OR1A1: variants seen among roughly 807,000 people sequenced by gnomAD.
The protein encoded by OR1A1 is olfactory receptor family 1 subfamily A member 1.
For synonymous variants in OR1A1, 145 were observed against 147.8 expected, an observed-to-expected ratio of 0.98 and a Z score of 0.13; for missense variants, 391 against 379.9, an observed-to-expected ratio of 1.03 and a Z score of -0.24.
intron 2 of OR1A1, 100 bp from the exon 3 acceptor site, chr17:3,212,367 T>C (rs983382457): frequency 1.3e-5 from 2 of 152,298 alleles, no homozygotes; most frequent in East Asian, 3.9e-4. Flanking sequence ...TTTCTCACAC[T>C]AAGGTATTCC....
At position 3,207,684 on chromosome 17, in the gene OR1A1, C is replaced by A. The variant is rs549424005; in HGVS notation, c.-873C>A. On this transcript the variant is annotated 5_prime_UTR_variant, in exon 1 of 4. Coordinates refer to ENST00000641732, the MANE Select transcript of OR1A1 (RefSeq NM_014565.3). Reference sequence around the variant, plus strand: ...GGTAGCTCCTCTTGTCCCTTCGGCTCCCCTGTTGGGAAACTGGGGACTCCT... The same window carrying A: ...GGTAGCTCCTCTTGTCCCTTCGGCTACCCTGTTGGGAAACTGGGGACTCCT... 2.0e-5 allele frequency: 3 copies of A among 152,452 alleles called. No individual in the cohort carries two copies. The highest frequency in any genetic ancestry group is 4.4e-5 in the Non-Finnish European group (3 of 68,110). 9.4% of individuals were successfully genotyped at this position (152,452 alleles called of 1,614,324 possible).
At chr17:3,212,744 C>T (rs2048448831) in intron 3 of OR1A1, 145 bp downstream of exon 3, 1 of 152,068 alleles carries the variant, frequency 6.6e-6, no homozygotes, top group Admixed American at 6.6e-5. Flanking sequence ...GCCTCACAGC[C>T]AAGGAAATCA....
Position 3,212,473 on chromosome 17 carries a change from G to T in OR1A1, c.-132G>T, listed in dbSNP as rs576805106. 6.6e-5 allele frequency: 10 copies of T among 151,894 alleles called. No individual in the cohort carries two copies. Among genetic ancestry groups the T allele is most frequent in the Non-Finnish European group, 1.5e-4 (10 of 68,008 alleles). 9.4% of individuals were successfully genotyped at this position (151,894 alleles called of 1,614,324 possible). On this transcript the variant is annotated 5_prime_UTR_variant, in exon 3 of 4. Coordinates refer to ENST00000641732, the MANE Select transcript of OR1A1 (RefSeq NM_014565.3). ...CTTCAATGTATTTTAACAGCAATGGGAACTGTCAACATCAACTTAGTCTGC... is the reference window on the plus strand; with the variant it reads ...CTTCAATGTATTTTAACAGCAATGGTAACTGTCAACATCAACTTAGTCTGC...
At chr17:3,215,484 ATCTC>A in intron 3 of OR1A1, 128 bp from the exon 4 acceptor site, 1 of 650,864 alleles carries the variant, frequency 1.5e-6, no homozygotes, top group Non-Finnish European at 2.6e-6. Context: ...AATACTGGAT[ATCTC>A]TATAATTTAA....
At chr17:3,209,201 C>T (rs12950688) in intron 2 of OR1A1, among the ~76,000 whole-genome samples, 37,957 of 151,784 alleles carry the variant, frequency 0.25, 5,556 homozygotes, top group East Asian at 0.57. Flanking sequence ...CTCTTCCCCC[C>T]GAGTCCCCAA....
chr17:3,216,366 T>C lies in OR1A1; in HGVS notation c.746T>C (p.Leu249Ser). 2 of 1,614,226 alleles carry C rather than the reference T, an allele frequency of 1.2e-6. No homozygotes were observed. The highest frequency in any genetic ancestry group is 2.7e-5 in the African/African-American group (2 of 75,056). Residue 249 changes from leucine to serine, a missense_variant, in exon 4 of 4, where the codon TTG (leucine) becomes TCG (serine). Physicochemically the swap from Leu to Ser is moderately radical, Grantham distance 145 (BLOSUM62 -2). Coordinates refer to ENST00000641732, the MANE Select transcript of OR1A1 (RefSeq NM_014565.3). ...GGTTCCCACCTCACGGTTGTCTCTTTGTATTATGGTACAGTCATGGGCACG... is the reference window on the plus strand; with the variant it reads ...GGTTCCCACCTCACGGTTGTCTCTTCGTATTATGGTACAGTCATGGGCACG... ...TCGSHLTVVS[L>S]YYGTVMGTYF...
intron 2 of OR1A1, among the ~76,000 whole-genome samples, chr17:3,210,236 C>T (rs2048434964): frequency 6.6e-6 from 1 of 151,998 alleles, no homozygotes; most frequent in Admixed American, 6.6e-5. Flanking sequence ...AGCAATTCTC[C>T]CACATCAGCC....
rs1346415825 is a variant in OR1A1 at position 3,216,136 on chromosome 17, G to A, written c.516G>A (p.Gln172=). 3 of 1,614,148 alleles carry A rather than the reference G, an allele frequency of 1.9e-6. No homozygotes were observed. The highest frequency in any genetic ancestry group is 4.5e-5 in the East Asian group (2 of 44,890). ...CTAGTCTGTCCTTCTGTGGCAACCA[G>A]GAAGTGGCCAACTTCTACTGTGACA... ...LTASLSFCGN[Q]EVANFYCDIT... Residue 172 remains glutamine (Q), a synonymous_variant, in exon 4 of 4, where the codon CAG becomes CAA. Coordinates refer to ENST00000641732, the MANE Select transcript of OR1A1 (RefSeq NM_014565.3).
chr17:3,209,977 C>A (rs1370145470), intron 2 of OR1A1, among the ~76,000 whole-genome samples: 1 of 152,140 alleles, frequency 6.6e-6, no homozygotes, highest in African/African-American at 2.4e-5. Context: ...CTTCCAGCAA[C>A]TGGCTTTTTA....
intron 3 of OR1A1, chr17:3,214,675 G>A (rs990074697): frequency 1.3e-5 from 2 of 152,174 alleles, no homozygotes; most frequent in Non-Finnish European, 2.9e-5. Flanking sequence ...CAGTATGAGT[G>A]AAGTGGAAAT....
In OR1A1 at chr17:3,216,056, G is replaced by C. The variant is rs1176378227; in HGVS notation, c.436G>C (p.Ala146Pro). The C allele has an allele frequency of 1.2e-6, 2 of 1,614,002 alleles. No individual in the cohort carries two copies. Among genetic ancestry groups the C allele is most frequent in the Non-Finnish European group, 1.7e-6 (2 of 1,180,040 alleles). The change falls in exon 4 of 4, where the codon GCT becomes CCT. Residue 146 changes from alanine (A) to proline (P), a missense_variant. Coordinates refer to ENST00000641732, the MANE Select transcript of OR1A1 (RefSeq NM_014565.3). ...MSPRSCIWLI[A>P]GSWVIGNANA... ...TCCACGGTCTTGTATCTGGCTTATT[G>C]CTGGGTCTTGGGTGATTGGAAATGC...
intron 1 of OR1A1, 120 bp downstream of exon 1, chr17:3,208,120 C>G (rs1409419061): frequency 6.6e-6 from 1 of 151,784 alleles, no homozygotes; most frequent in African/African-American, 2.4e-5. Flanking sequence ...GCTCCAGTAT[C>G]CAAGTTCTGA....
Position 3,215,794 on chromosome 17 carries a change from C to T in OR1A1, c.174C>T (p.Pro58=). 6.2e-7 allele frequency: 1 copy of T among 1,614,118 alleles called. No individual in the cohort carries two copies. The highest frequency in any genetic ancestry group is 8.5e-7 in the Non-Finnish European group (1 of 1,180,026). ...GCTCTGATGTTCGCCTTCACAACCC[C>T]ATGTATTTTCTCCTTGCCAACCTCT... The part of the protein sequence containing the change: ...AICSDVRLHN[P]MYFLLANLSL... The change falls in exon 4 of 4, where the codon CCC becomes CCT. Residue 58 remains proline, a synonymous_variant. Transcript: ENST00000641732.
intron 2 of OR1A1, among the ~76,000 whole-genome samples, chr17:3,209,968 T>C (rs189794446): frequency 5.7e-4 from 87 of 152,332 alleles, no homozygotes; most frequent in African/African-American, 1.9e-3. Context: ...GCCATATATC[T>C]TCCAGCAACT....
Position 3,216,929 on chromosome 17 carries a change from G to A in OR1A1, c.*379G>A, listed in dbSNP as rs1442094741. 1.2e-5 allele frequency: 2 copies of A among 172,562 alleles called. No individual in the cohort carries two copies. Among genetic ancestry groups the A allele is most frequent in the East Asian group, 1.6e-4 (1 of 6,390 alleles). The allele number at this position is 172,562 out of a possible 1,614,324, so 10.7% of individuals were successfully genotyped here. A position where few individuals can be genotyped will look rare whatever the true frequency, so the allele number is the denominator to read the frequency against. ...TCCAAGATTATAAATCACTATTCATGTGTCCATTTTTATTTGACTGTTAAG... is the reference window on the plus strand; with the variant it reads ...TCCAAGATTATAAATCACTATTCATATGTCCATTTTTATTTGACTGTTAAG... On this transcript the variant is annotated 3_prime_UTR_variant, in exon 4 of 4. Transcript: ENST00000641732.
Position 3,216,585 on chromosome 17 carries a change from C to T in OR1A1, c.*35C>T, listed in dbSNP as rs750106890. 6.8e-6 allele frequency: 10 copies of T among 1,475,050 alleles called. No individual in the cohort carries two copies. In the South Asian group the frequency reaches 9.9e-5, roughly 15 times the overall value. 91.4% of individuals were successfully genotyped at this position (1,475,050 alleles called of 1,614,324 possible). On this transcript the variant is annotated 3_prime_UTR_variant, in exon 4 of 4. Coordinates refer to ENST00000641732, the MANE Select transcript of OR1A1 (RefSeq NM_014565.3). ...GGGCCTACATTGGATACCGTAGTCA[C>T]CAGTTACGGTATATTGGAAATCCAG...
intron 2 of OR1A1, 148 bp downstream of exon 2, chr17:3,209,146 A>G (rs71360908): frequency 0.076 from 11,512 of 152,110 alleles, 553 homozygotes; most frequent in African/African-American, 0.13. Flanking sequence ...TAAGCAGTAT[A>G]CACTGCACCA....
rs774456956 is a variant in OR1A1, at chr17:3,216,246, C to T, written c.626C>T (p.Pro209Leu). ...MYLGVGIFSV[P>L]LLCIIVSYIR... ...CTAGGGGTTGGCATTTTCTCTGTGC[C>T]ATTACTATGCATCATTGTCTCCTAT... The change falls in exon 4 of 4, where the codon CCA becomes CTA. Residue 209 changes from proline (P) to leucine (L), a missense_variant. Coordinates refer to ENST00000641732, the MANE Select transcript of OR1A1 (RefSeq NM_014565.3). 3 of 1,614,030 alleles carry T rather than the reference C, an allele frequency of 1.9e-6. No homozygotes were observed. The Admixed American group carries it at 5.0e-5, about 27-fold the overall frequency.
In OR1A1 at chr17:3,208,019, T is replaced by A. The variant is rs558495150; in HGVS notation, c.-557+19T>A. ...CCAAGAGGTAAGTTGAATTATGATG[T>A]CATTTTATCAAACATAAAAAGACGG... On this transcript the variant is annotated intron_variant, in intron 1 of 3. Transcript: ENST00000641732. 1 of 152,186 alleles carries A rather than the reference T, an allele frequency of 6.6e-6. No individual in the cohort carries two copies. The highest frequency in any genetic ancestry group is 1.5e-5 in the Non-Finnish European group (1 of 68,050). The allele number at this position is 152,186 out of a possible 1,614,324, so 9.4% of individuals were successfully genotyped here. A position where few individuals can be genotyped will look rare whatever the true frequency, so the allele number is the denominator to read the frequency against.
Sources: gnomAD v4.1 joint callset for allele counts (sites outside exome capture counted in the v4.1 genomes callset) on GRCh38, gnomAD v4.1.1 for gene constraint, MANE v1.5 for transcripts, NCBI Gene and HGNC (gene_info 2026-07-23, HGNC 2026-07-21) for gene names.